ATP9B: variants seen among roughly 807,000 people sequenced by gnomAD.
The protein encoded by ATP9B is ATPase phospholipid transporting 9B.
A neutral mutation model predicts 146.1 loss-of-function variants in ATP9B; 110 were observed. The ratio of observed to expected loss-of-function variants is 0.75; its 90% confidence interval spans 0.65 to 0.88. The LOEUF (loss-of-function observed/expected upper bound fraction) is 0.88. Ranked by LOEUF, ATP9B falls within the 40% of genes least tolerant of loss-of-function variation. The pLI is 0.00. For missense variants in ATP9B, 1,499 were observed against 1,496.4 expected, an observed-to-expected ratio of 1.00 and a Z score of -0.03; for synonymous variants, 604 against 569.7, an observed-to-expected ratio of 1.06 and a Z score of -0.86.
At chr18:79,070,465 A>C (rs774354745) in intron 1 of ATP9B, among the ~76,000 whole-genome samples, 4 of 152,226 alleles carry the variant, frequency 2.6e-5, no homozygotes, top group Non-Finnish European at 5.9e-5. Flanking sequence ...ATGCTGGATA[A>C]TATTTTTTCT....
chr18:79,250,391 G>A (rs565581834), intron 11 of ATP9B, among the ~76,000 whole-genome samples: 1 of 152,256 alleles, frequency 6.6e-6, no homozygotes, highest in South Asian at 2.1e-4. Context: ...GATGAATAGA[G>A]TAAAATATGC....
chr18:79,203,215 C>T (rs1158894340), intron 9 of ATP9B, among the ~76,000 whole-genome samples: 1 of 146,992 alleles, frequency 6.8e-6, no homozygotes, highest in Non-Finnish European at 1.5e-5. Context: ...ATCATGGAGG[C>T]AGTAGGACGT....
chr18:79,227,703 C>T (rs1320437515), intron 11 of ATP9B, among the ~76,000 whole-genome samples: 2 of 152,212 alleles, frequency 1.3e-5, no homozygotes, highest in Non-Finnish European at 2.9e-5. Context: ...CACCTCCCCC[C>T]GACTGTTCTC....
At position 79,245,569 on chromosome 18, in the gene ATP9B, G is replaced by A. The variant is rs1260415683; in HGVS notation, c.1108-7812G>A. 5.9e-5 allele frequency among the ~76,000 whole-genome samples: 9 copies of A among 151,462 alleles called. 2 individuals are homozygous for A. Among genetic ancestry groups the A allele is most frequent in the African/African-American group, 2.2e-4 (9 of 41,168 alleles). ...TGACTGAGGAGGGCACCGCCCTACT[G>A]ACTGTGCGGAGGGCACCGCCCTAAT... On this transcript the variant is annotated intron_variant, in intron 11 of 29. Transcript: ENST00000426216.
chr18:79,230,682 A>G (rs1341454878), intron 11 of ATP9B, among the ~76,000 whole-genome samples: 1 of 152,172 alleles, frequency 6.6e-6, no homozygotes, highest in Admixed American at 6.5e-5. Flanking sequence ...AATTCTCCTC[A>G]GAATACACCA....
chr18:79,272,529 G>C (rs552460283), intron 12 of ATP9B, among the ~76,000 whole-genome samples: 189 of 130,720 alleles, frequency 1.4e-3, no homozygotes, highest in African/African-American at 4.6e-3. Flanking sequence ...ATACGCTCCT[G>C]TCCCTGAGCT....
intron 11 of ATP9B, among the ~76,000 whole-genome samples, chr18:79,247,146 G>C (rs1327034290): frequency 6.6e-6 from 1 of 152,150 alleles, no homozygotes; most frequent in Non-Finnish European, 1.5e-5. Flanking sequence ...TTACCTTCCA[G>C]CCACTGTGTT....
At chr18:79,250,827 C>T (rs960685693) in intron 11 of ATP9B, among the ~76,000 whole-genome samples, 2 of 152,126 alleles carry the variant, frequency 1.3e-5, no homozygotes, top group Non-Finnish European at 1.5e-5. Flanking sequence ...GGGGGAGCGG[C>T]GCTGTTACTG....
chr18:79,184,779 T>A (rs1248847420), intron 8 of ATP9B, among the ~76,000 whole-genome samples: 4 of 152,090 alleles, frequency 2.6e-5, no homozygotes, highest in African/African-American at 9.7e-5. Flanking sequence ...GGAGGGGATT[T>A]TGGTTGGCTG....
At chr18:79,339,078 TTCGCAGTAGGAAGTGTGTCATGA>T (rs1278561597) in intron 19 of ATP9B, among the ~76,000 whole-genome samples, 5 of 151,644 alleles carry the variant, frequency 3.3e-5, no homozygotes, top group East Asian at 2.0e-4. Context: ...GTATGTCATG[TTCGCAGTAGGAAGTGTGTCATGA>T]TCGCAGTAGG....
intron 12 of ATP9B, among the ~76,000 whole-genome samples, chr18:79,263,009 C>A (rs1237737016): frequency 6.6e-6 from 1 of 152,102 alleles, no homozygotes; most frequent in Non-Finnish European, 1.5e-5. Flanking sequence ...AAAGTTATTA[C>A]TTCTTGTTGC....
chr18:79,370,584 G>C (rs1380699089), intron 26 of ATP9B, among the ~76,000 whole-genome samples: 1 of 152,198 alleles, frequency 6.6e-6, no homozygotes, highest in Non-Finnish European at 1.5e-5. Context: ...TTTGTTCTCA[G>C]AGCTACAGTC....
intron 15 of ATP9B, among the ~76,000 whole-genome samples, chr18:79,310,647 T>G (rs1437152041): frequency 6.6e-6 from 1 of 152,112 alleles, no homozygotes; most frequent in Admixed American, 6.5e-5. Context: ...ACTTCCAGGA[T>G]CATGGGACTA....
chr18:79,376,214 C>CACACACACACACACACACACAAAA, intron 29 of ATP9B: 36 of 885,032 alleles, frequency 4.1e-5, no homozygotes, highest in South Asian at 2.2e-4. Flanking sequence ...CACACACACA[C>CACACACACACACACACACACAAAA]AAAACAAAAC....
intron 6 of ATP9B, among the ~76,000 whole-genome samples, chr18:79,152,854 A>G (rs11874851): frequency 0.029 from 4,455 of 152,200 alleles, 223 homozygotes; most frequent in African/African-American, 0.1. Context: ...GTCCCTATAT[A>G]TGTGGACCTA....
chr18:79,288,213 G>GA (rs1490213440), intron 13 of ATP9B, among the ~76,000 whole-genome samples: 1 of 150,166 alleles, frequency 6.7e-6, no homozygotes, highest in Non-Finnish European at 1.5e-5. Context: ...TGTTGACAGT[G>GA]GGGTGTTAAA....
At position 79,337,164 on chromosome 18, in the gene ATP9B, C is replaced by T. The variant is rs538219200; in HGVS notation, c.2113-115C>T. On this transcript the variant is annotated intron_variant, in intron 18 of 29. Coordinates refer to ENST00000426216, the MANE Select transcript of ATP9B (RefSeq NM_198531.5). ...GTGGAGTACACACACAGCACGTACACGTGTGCACATAGTCACCTCCCCCTC... is the reference window on the plus strand; with the variant it reads ...GTGGAGTACACACACAGCACGTACATGTGTGCACATAGTCACCTCCCCCTC... 27 of 1,331,442 alleles carry T rather than the reference C, an allele frequency of 2.0e-5. 2 individuals carry two copies. Among genetic ancestry groups the T allele is most frequent in the East Asian group, 4.6e-5 (2 of 43,038 alleles). The allele number at this position is 1,331,442 out of a possible 1,614,324, so 82.5% of individuals were successfully genotyped here.
intron 20 of ATP9B, chr18:79,344,055 T>A: frequency 3.4e-6 from 2 of 585,636 alleles, no homozygotes; most frequent in Non-Finnish European, 6.1e-6. Flanking sequence ...AATTTGAAAA[T>A]GATTGGCGTT....
rs375418255 is a variant in ATP9B, at chr18:79,347,835, G to A, written c.2748G>A (p.Leu916=). 2.5e-6 allele frequency: 4 copies of A among 1,613,512 alleles called. No homozygotes were observed. The highest frequency in any genetic ancestry group is 1.6e-4 in the Middle Eastern group (1 of 6,082). Reference sequence around the variant, plus strand: ...CGCAGTTCCGGCACATAGGCAGGCTGCTCATGGTGCACGGGCGGAACAGCT... The same window carrying A: ...CGCAGTTCCGGCACATAGGCAGGCTACTCATGGTGCACGGGCGGAACAGCT... The part of the protein sequence containing the change: ...SITQFRHIGR[L]LMVHGRNSYK... The change falls in exon 24 of 30, where the codon CTG becomes CTA. Residue 916 remains leucine, a synonymous_variant. Coordinates refer to ENST00000426216, the MANE Select transcript of ATP9B (RefSeq NM_198531.5).
Sources: allele counts gnomAD v4.1 joint callset (sites outside exome capture counted in the v4.1 genomes callset), GRCh38; gene constraint gnomAD v4.1.1; transcripts MANE v1.5; gene names NCBI Gene and HGNC (gene_info 2026-07-23, HGNC 2026-07-21).